Variants in WDFY4 observed in about 807,000 individuals in gnomAD.
The protein encoded by WDFY4 is WD repeat- and FYVE domain-containing protein 4.
In WDFY4, 169 loss-of-function variants were observed where a neutral mutation model predicts 351.9. The ratio of observed to expected loss-of-function variants is 0.48; its 90% confidence interval spans 0.42 to 0.55. The LOEUF is 0.55. Among genes scored for constraint, WDFY4 ranks in the 20% least tolerant of loss-of-function variants. WDFY4 has a pLI of 0.00. For synonymous variants in WDFY4, 1,622 were observed against 1,574.6 expected (o/e 1.03, Z -0.71); for missense variants, 3,803 against 3,935.6 (o/e 0.97, Z 0.90).
chr10:48,767,491 T>C (rs958622902), intron 13 of WDFY4, among the ~76,000 whole-genome samples: 1 of 152,240 alleles, frequency 6.6e-6, no homozygotes, highest in Non-Finnish European at 1.5e-5. Flanking sequence ...GAACTGTATG[T>C]TAATATATCT....
intron 19 of WDFY4, among the ~76,000 whole-genome samples, chr10:48,781,267 T>C (rs1589593121): frequency 6.9e-6 from 1 of 145,928 alleles, no homozygotes; most frequent in East Asian, 2.0e-4. Flanking sequence ...TGTGTGTGTG[T>C]ATATATATAT....
intron 57 of WDFY4, 100 bp downstream of exon 57, chr10:48,970,389 C>T (rs886675547): frequency 6.7e-5 from 97 of 1,447,508 alleles, no homozygotes; most frequent in South Asian, 1.5e-4. Flanking sequence ...GGTGTGGTGC[C>T]GGAACACACC....
intron 54 of WDFY4, among the ~76,000 whole-genome samples, chr10:48,964,380 G>A (rs566994573): frequency 1.3e-5 from 2 of 152,342 alleles, no homozygotes; most frequent in East Asian, 1.9e-4. Flanking sequence ...GACATATCAA[G>A]TGTTTGAAAG....
intron 26 of WDFY4, 43 bp downstream of exon 26, chr10:48,805,464 G>T (rs2067222672): frequency 2.0e-6 from 3 of 1,536,630 alleles, no homozygotes; most frequent in African/African-American, 1.4e-5. Flanking sequence ...GGGCCCCAGG[G>T]CTGTTTAAAA....
chr10:48,979,642 G>C (rs1270798383), intron 60 of WDFY4: 1 of 152,054 alleles, frequency 6.6e-6, no homozygotes, highest in East Asian at 1.9e-4. Flanking sequence ...TGGATGGATG[G>C]ATGGGTGGAT....
intron 13 of WDFY4, among the ~76,000 whole-genome samples, chr10:48,764,773 G>T (rs879594996): frequency 6.6e-6 from 1 of 152,248 alleles, no homozygotes; most frequent in African/African-American, 2.4e-5. Flanking sequence ...ATGTGCCTTT[G>T]GGGATTCAGA....
At position 48,760,416 on chromosome 10, in the gene WDFY4, G is replaced by T. The variant is rs897916872; in HGVS notation, c.2529G>T (p.Arg843=). Reference sequence around the variant, plus strand: ...GCATCATGGTGAGGCTGCTGCCTCGGTTGTACCATGAAGATCACCCACAGG... The same window carrying T: ...GCATCATGGTGAGGCTGCTGCCTCGTTTGTACCATGAAGATCACCCACAGG... ...VVCIMVRLLP[R]LYHEDHPQLS... is the part of the protein sequence containing the mutation. Residue 843 remains arginine (R), a synonymous_variant, in exon 13 of 62, where the codon CGG becomes CGT. Coordinates refer to ENST00000325239, the MANE Select transcript of WDFY4 (RefSeq NM_001394531.1). 3 of 1,551,554 alleles carry T rather than the reference G, an allele frequency of 1.9e-6. No individual in the cohort carries two copies. Among genetic ancestry groups the T allele is most frequent in the Non-Finnish European group, 2.6e-6 (3 of 1,147,008 alleles).
intron 1 of WDFY4, among the ~76,000 whole-genome samples, chr10:48,686,449 T>C (rs2063052368): frequency 6.6e-6 from 1 of 152,086 alleles, no homozygotes; most frequent in Admixed American, 6.5e-5. Flanking sequence ...ATCTCTGAGG[T>C]CCTCTTCATG....
At chr10:48,938,518 G>A (rs1191470969) in intron 47 of WDFY4, among the ~76,000 whole-genome samples, 1 of 152,352 alleles carries the variant, frequency 6.6e-6, no homozygotes, top group South Asian at 2.1e-4. Context: ...CATGCCTCTG[G>A]CTCCTTCCTC....
intron 47 of WDFY4, among the ~76,000 whole-genome samples, chr10:48,920,964 T>C (rs1330052726): frequency 2.6e-5 from 4 of 152,212 alleles, no homozygotes; most frequent in African/African-American, 9.6e-5. Context: ...AGGATTTTTA[T>C]AATGAAAATT....
chr10:48,845,498 T>C (rs2133143712), intron 39 of WDFY4, among the ~76,000 whole-genome samples: 1 of 152,228 alleles, frequency 6.6e-6, no homozygotes, highest in African/African-American at 2.4e-5. Context: ...AAGTCTGGTT[T>C]GGAGGAGCTT....
rs1361841339 is a variant in WDFY4, at chr10:48,727,618, G to T, written c.930G>T (p.Glu310Asp). The T allele has an allele frequency of 3.9e-6, 6 of 1,552,036 alleles. No homozygotes were observed. The South Asian group carries it at 5.9e-5, about 15-fold the overall frequency. Residue 310 changes from glutamate (E) to aspartate (D), a missense_variant, in exon 7 of 62, where the codon GAG becomes GAT. Around this residue, in one of 3 missense-constraint regions of WDFY4, gnomAD observed 488 missense variants for 456.8 expected, o/e 1.07. Coordinates refer to ENST00000325239, the MANE Select transcript of WDFY4 (RefSeq NM_001394531.1). Reference protein sequence around the residue: ...PVSSALFLEFENSEGYPLLLK... With the variant: ...PVSSALFLEFDNSEGYPLLLK... Reference sequence around the variant, plus strand: ...CCTCGGCTCTGTTCCTGGAGTTTGAGAATTCAGAGGGCTATCCTCTGCTGC... The same window carrying T: ...CCTCGGCTCTGTTCCTGGAGTTTGATAATTCAGAGGGCTATCCTCTGCTGC...
chr10:48,976,715 T>C (rs1842584502), intron 58 of WDFY4, 82 bp from the exon 59 acceptor site: 2 of 1,243,782 alleles, frequency 1.6e-6, no homozygotes, highest in African/African-American at 1.6e-5. Context: ...AGTACTTGGG[T>C]GTACCAACTG....
At chr10:48,826,263 T>G (rs982700527) in intron 35 of WDFY4, among the ~76,000 whole-genome samples, 4 of 152,210 alleles carry the variant, frequency 2.6e-5, no homozygotes, top group African/African-American at 9.7e-5. Context: ...ATCAGATGGT[T>G]GTAGATGTGT....
chr10:48,874,042 A>T (rs2069894061), intron 41 of WDFY4, among the ~76,000 whole-genome samples: 2 of 152,218 alleles, frequency 1.3e-5, no homozygotes, highest in Non-Finnish European at 2.9e-5. Context: ...GGAAAGGGCC[A>T]GGGGAAGGCT....
chr10:48,775,835 T>A (rs1413791000), intron 15 of WDFY4, 29 bp downstream of exon 15: 9 of 1,528,944 alleles, frequency 5.9e-6, no homozygotes, highest in Non-Finnish European at 7.1e-6. Flanking sequence ...ACGGGGCAGG[T>A]TAATGGGAAG....
intron 27 of WDFY4, among the ~76,000 whole-genome samples, chr10:48,806,630 TTA>T (rs2067265891): frequency 6.6e-6 from 1 of 152,242 alleles, no homozygotes; most frequent in South Asian, 2.1e-4. Flanking sequence ...TGTAGTTTGT[TTA>T]TGTGAGTCTC....
intron 2 of WDFY4, among the ~76,000 whole-genome samples, chr10:48,717,484 C>CA (rs774293694): frequency 1.3e-5 from 2 of 152,138 alleles, no homozygotes; most frequent in Non-Finnish European, 2.9e-5. Flanking sequence ...TTCAGGTAAA[C>CA]CAAGCTCCCT....
intron 1 of WDFY4, among the ~76,000 whole-genome samples, chr10:48,702,648 G>T (rs1020366860): frequency 5.3e-5 from 8 of 152,130 alleles, no homozygotes; most frequent in African/African-American, 1.4e-4. Context: ...TCTGTGAGGG[G>T]CATTTATGTT....
Sources: gnomAD v4.1 joint callset for allele counts (sites outside exome capture counted in the v4.1 genomes callset) on GRCh38, gnomAD v4.1.1 for gene constraint, gnomAD v4.1.1 regional missense constraint, MANE v1.5 for transcripts, NCBI Gene and HGNC (gene_info 2026-07-23, HGNC 2026-07-21) for gene names.